The following ZFHX3 variants were observed in gnomAD, a reference collection of about 807,000 sequenced individuals.
ZFHX3 encodes the protein zinc finger homeobox protein 3.
In ZFHX3, 42 loss-of-function variants were observed where a neutral mutation model predicts 279.1. The observed-to-expected ratio is 0.15, with a 90% CI of 0.12 to 0.19. ZFHX3 has a LOEUF of 0.19. Ranked by LOEUF, ZFHX3 falls within the 10% of genes least tolerant of loss-of-function variation. The pLI, the probability that ZFHX3 is intolerant of heterozygous loss-of-function variation, is 1.00. For missense variants in ZFHX3, 4,981 were observed against 4,754.0 expected (o/e 1.05, Z -1.40); for synonymous variants, 2,293 against 1,957.8 (o/e 1.17, Z -4.52).
At chr16:73,290,554 G>GAAGGAGAA (rs1164587922) in intron 4 of ZFHX3, among the ~76,000 whole-genome samples, 1 of 152,218 alleles carries the variant, frequency 6.6e-6, no homozygotes, top group Non-Finnish European at 1.5e-5. Flanking sequence ...TAGGTTTCCA[G>GAAGGAGAA]AAGGAATAGA....
intron 4 of ZFHX3, among the ~76,000 whole-genome samples, chr16:73,272,408 T>C (rs934494536): frequency 2.0e-5 from 3 of 152,220 alleles, no homozygotes; most frequent in African/African-American, 7.2e-5. Flanking sequence ...TCAATCTGTA[T>C]TGGTTAAGTC....
intron 4 of ZFHX3, among the ~76,000 whole-genome samples, chr16:72,851,882 G>T (rs1597310550): frequency 6.6e-6 from 1 of 152,118 alleles, no homozygotes; most frequent in Non-Finnish European, 1.5e-5. Flanking sequence ...TAATAATAAG[G>T]CATGCTCAAA....
intron 1 of ZFHX3, among the ~76,000 whole-genome samples, chr16:72,971,436 C>G (rs2078912386): frequency 1.3e-5 from 2 of 152,208 alleles, no homozygotes; most frequent in African/African-American, 4.8e-5. Context: ...CGGCAGCCCA[C>G]TTTACAGGTG....
At chr16:73,420,679 T>G (rs1024698115) in intron 3 of ZFHX3, 2 of 152,348 alleles carry the variant, frequency 1.3e-5, no homozygotes, top group Middle Eastern at 3.4e-3. Flanking sequence ...CCAAGCTGGC[T>G]GGTGTCGCCT....
At chr16:73,521,331 T>A (rs1312458929) in intron 2 of ZFHX3, among the ~76,000 whole-genome samples, 1 of 152,198 alleles carries the variant, frequency 6.6e-6, no homozygotes, top group Non-Finnish European at 1.5e-5. Context: ...GTTTGGCACA[T>A]AATAAGCTTG....
At chr16:73,078,438 G>T (rs1295207105) in intron 8 of ZFHX3, among the ~76,000 whole-genome samples, 1 of 152,138 alleles carries the variant, frequency 6.6e-6, no homozygotes, top group African/African-American at 2.4e-5. Flanking sequence ...TAAGATACTT[G>T]CTTGTTTAAA....
intron 3 of ZFHX3, among the ~76,000 whole-genome samples, chr16:73,371,605 C>A (rs928272994): frequency 6.6e-6 from 1 of 152,002 alleles, no homozygotes; most frequent in African/African-American, 2.4e-5. Context: ...AACTGGTGCA[C>A]CGGGTGTACC....
intron 3 of ZFHX3, among the ~76,000 whole-genome samples, chr16:72,894,621 G>A (rs189078786): frequency 6.6e-6 from 1 of 152,326 alleles, no homozygotes; most frequent in East Asian, 1.9e-4. Flanking sequence ...TTTTCATTTG[G>A]AGGAGGAGGG....
chr16:73,683,437 G>C (rs1319326345), intron 1 of ZFHX3, among the ~76,000 whole-genome samples: 1 of 152,152 alleles, frequency 6.6e-6, no homozygotes, highest in Non-Finnish European at 1.5e-5. Context: ...TATTTTAAGT[G>C]ACTGTGATTA....
chr16:72,857,490 G>A (rs1294118108), intron 4 of ZFHX3, among the ~76,000 whole-genome samples: 2 of 152,206 alleles, frequency 1.3e-5, no homozygotes, highest in African/African-American at 2.4e-5. Flanking sequence ...AGTTTGCCCA[G>A]CCTGTGCAAC....
intron 4 of ZFHX3, among the ~76,000 whole-genome samples, chr16:73,298,633 C>T (rs576503373): frequency 6.6e-6 from 1 of 152,148 alleles, no homozygotes; most frequent in East Asian, 1.9e-4. Context: ...GGTGCAGTGG[C>T]CAGCTGTGAT....
intron 3 of ZFHX3, among the ~76,000 whole-genome samples, chr16:73,321,390 C>T (rs2015571600): frequency 6.6e-6 from 1 of 152,142 alleles, no homozygotes; most frequent in African/African-American, 2.4e-5. Flanking sequence ...CAGTACCTGA[C>T]CTCCTCAGGT....
At chr16:73,115,211 G>A (rs1381598551) in intron 7 of ZFHX3, among the ~76,000 whole-genome samples, 2 of 151,826 alleles carry the variant, frequency 1.3e-5, no homozygotes, top group African/African-American at 4.8e-5. Flanking sequence ...CATTAAGTCC[G>A]ACTCCAGGGA....
intron 5 of ZFHX3, among the ~76,000 whole-genome samples, chr16:73,178,865 A>T (rs1401644684): frequency 6.6e-6 from 1 of 152,122 alleles, no homozygotes. Context: ...CCATCTATCC[A>T]TTCATCCATC....
At chr16:72,940,769 G>A (rs1199737183) in intron 3 of ZFHX3, among the ~76,000 whole-genome samples, 2 of 152,244 alleles carry the variant, frequency 1.3e-5, no homozygotes, top group Non-Finnish European at 1.5e-5. Flanking sequence ...CTGAGTCCGG[G>A]AACATGCTCC....
intron 1 of ZFHX3, among the ~76,000 whole-genome samples, chr16:73,775,436 C>T (rs1349561144): frequency 6.6e-6 from 1 of 152,128 alleles, no homozygotes; most frequent in East Asian, 1.9e-4. Flanking sequence ...TTAAATCTAT[C>T]CTCTATCAGC....
chr16:73,667,178 G>C (rs1435562449), intron 2 of ZFHX3, among the ~76,000 whole-genome samples: 1 of 152,026 alleles, frequency 6.6e-6, no homozygotes, highest in Non-Finnish European at 1.5e-5. Context: ...TTTTAGTAGA[G>C]ATGGGATTTT....
At chr16:72,892,612 A>C (rs2038801127) in intron 3 of ZFHX3, among the ~76,000 whole-genome samples, 1 of 151,870 alleles carries the variant, frequency 6.6e-6, no homozygotes, top group African/African-American at 2.4e-5. Flanking sequence ...GATTCAAGCA[A>C]TTCTCCTGCC....
intron 4 of ZFHX3, among the ~76,000 whole-genome samples, chr16:73,311,589 CAAA>C (rs1156241061): frequency 6.8e-3 from 190 of 27,964 alleles, no homozygotes; most frequent in African/African-American, 0.031. Flanking sequence ...TACTCCATCT[CAAA>C]AAAAAAAAAA....
Sources: gnomAD v4.1 joint callset for allele counts (sites outside exome capture counted in the v4.1 genomes callset) on GRCh38, gnomAD v4.1.1 for gene constraint, MANE v1.5 for transcripts, NCBI Gene and HGNC (gene_info 2026-07-23, HGNC 2026-07-21) for gene names.